KIF18A: variants seen among roughly 807,000 people sequenced by gnomAD.
The protein encoded by KIF18A is kinesin-like protein KIF18A.
Under a neutral mutation model 103.3 loss-of-function variants are expected in KIF18A, and 67 were observed. The observed-to-expected ratio is 0.65, with a 90% CI of 0.53 to 0.79. KIF18A has a LOEUF of 0.79. Ranked by LOEUF, KIF18A falls within the 30% of genes least tolerant of loss-of-function variation. KIF18A has a pLI of 0.00. For synonymous variants in KIF18A, 367 were observed against 355.5 expected, an observed-to-expected ratio of 1.03 and a Z score of -0.36; for missense variants, 1,032 against 1,062.5, an observed-to-expected ratio of 0.97 and a Z score of 0.40.
At chr11:28,037,650 A>T (rs1320112601) in intron 13 of KIF18A, among the ~76,000 whole-genome samples, 2 of 151,566 alleles carry the variant, frequency 1.3e-5, no homozygotes, top group African/African-American at 4.8e-5. Context: ...TGTATCATAC[A>T]TAACTCATAG....
chr11:28,031,530 G>A (rs1354092304), intron 15 of KIF18A, among the ~76,000 whole-genome samples: 2 of 152,102 alleles, frequency 1.3e-5, no homozygotes. Context: ...GGGGCCTGTT[G>A]TGGGGTAGGG....
intron 15 of KIF18A, 137 bp downstream of exon 15, chr11:28,035,250 T>G (rs1050152559): frequency 7.3e-6 from 3 of 410,788 alleles, no homozygotes; most frequent in Non-Finnish European, 1.3e-5. Flanking sequence ...CAGTACCCCA[T>G]TCAGAGAAAT....
chr11:28,048,563 A>T (rs867299967), intron 13 of KIF18A, among the ~76,000 whole-genome samples: 2 of 152,106 alleles, frequency 1.3e-5, no homozygotes, highest in Admixed American at 6.6e-5. Context: ...TTAGAAAAAA[A>T]GTTCAGTAGG....
chr11:28,107,944 C>T (rs1171774532), intron 1 of KIF18A, 120 bp downstream of exon 1: 2 of 152,304 alleles, frequency 1.3e-5, no homozygotes. Context: ...TGATCCCCCA[C>T]CCCTCAACGC....
At position 28,077,060 on chromosome 11, in the gene KIF18A, G is replaced by T; in HGVS notation, c.1372C>A (p.Gln458Lys). 1 of 1,574,714 alleles carries T rather than the reference G, an allele frequency of 6.4e-7. No homozygotes were observed. Among genetic ancestry groups the T allele is most frequent in the Non-Finnish European group, 8.6e-7 (1 of 1,162,136 alleles). Residue 458 changes from glutamine to lysine, a missense_variant, in exon 10 of 17, where the codon CAA becomes AAA. Physicochemically the swap from Gln to Lys is moderately conservative, Grantham distance 53. Coordinates refer to ENST00000263181, the MANE Select transcript of KIF18A (RefSeq NM_031217.4). ...ATTTCTATTTGTTTATGGCACTGTT[G>T]TTGGTAGAATGATTTAAGTTCATTT... ...KENELKSFYQ[Q>K]QCHKQIEMMC...
chr11:28,069,048 C>A (rs1398792657), intron 11 of KIF18A, among the ~76,000 whole-genome samples: 1 of 152,070 alleles, frequency 6.6e-6, no homozygotes. Flanking sequence ...TCCTCAAGTG[C>A]AGGTTGAAAT....
At chr11:28,046,725 T>C (rs1299634735) in intron 13 of KIF18A, among the ~76,000 whole-genome samples, 2 of 109,002 alleles carry the variant, frequency 1.8e-5, no homozygotes, top group African/African-American at 7.2e-5. Context: ...AGAAAAAAAA[T>C]ATTGAAATTA....
intron 1 of KIF18A, among the ~76,000 whole-genome samples, chr11:28,098,565 T>C (rs1426035597): frequency 1.3e-5 from 2 of 152,130 alleles, no homozygotes; most frequent in African/African-American, 4.8e-5. Flanking sequence ...TTAAAAATAG[T>C]TCCAAGGATG....
At chr11:28,085,755 T>G (rs1851219365) in intron 6 of KIF18A, among the ~76,000 whole-genome samples, 1 of 152,168 alleles carries the variant, frequency 6.6e-6, no homozygotes, top group African/African-American at 2.4e-5. Flanking sequence ...CCAGCTGTTT[T>G]CTCTTTATCT....
At chr11:28,083,383 T>C (rs1851189653) in intron 7 of KIF18A, 140 bp from the exon 8 acceptor site, 2 of 912,382 alleles carry the variant, frequency 2.2e-6, no homozygotes, top group Non-Finnish European at 3.0e-6. Flanking sequence ...TTAAAATCTA[T>C]GACAAGAGGA....
intron 12 of KIF18A, among the ~76,000 whole-genome samples, chr11:28,060,814 A>G (rs1180350480): frequency 6.6e-6 from 1 of 152,216 alleles, no homozygotes; most frequent in African/African-American, 2.4e-5. Flanking sequence ...GAAAGTGCCT[A>G]TGCAACCAGC....
chr11:28,094,568 A>ATTTTAT, intron 3 of KIF18A, 75 bp downstream of exon 3: 2 of 1,028,528 alleles, frequency 1.9e-6, no homozygotes, highest in Non-Finnish European at 2.9e-6. Flanking sequence ...GAAAACTCTT[A>ATTTTAT]TATAATAAAA....
At chr11:28,080,607 T>C (rs1851153734) in intron 9 of KIF18A, among the ~76,000 whole-genome samples, 1 of 152,124 alleles carries the variant, frequency 6.6e-6, no homozygotes, top group Admixed American at 6.6e-5. Context: ...GTGTTGTGTG[T>C]GCTCTGACGG....
intron 1 of KIF18A, among the ~76,000 whole-genome samples, chr11:28,100,566 G>GT (rs1284454729): frequency 6.6e-6 from 1 of 150,722 alleles, no homozygotes; most frequent in Non-Finnish European, 1.5e-5. Context: ...AGTGAAGGGG[G>GT]GGGGTGGTGT....
At chr11:28,070,706 C>CA (rs1156438088) in intron 10 of KIF18A, among the ~76,000 whole-genome samples, 1 of 152,082 alleles carries the variant, frequency 6.6e-6, no homozygotes, top group African/African-American at 2.4e-5. Flanking sequence ...AAATGTAACC[C>CA]ATCAAACTGA....
rs748524855 is a variant in KIF18A, at chr11:28,058,945, T to G, written c.1929A>C (p.Pro643=). 6.2e-7 allele frequency: 1 copy of G among 1,613,970 alleles called. No homozygotes were observed. Among genetic ancestry groups the G allele is most frequent in the Non-Finnish European group, 8.5e-7 (1 of 1,179,862 alleles). Residue 643 remains proline (P), a synonymous_variant, in exon 13 of 17, where the codon CCA becomes CCC. Coordinates refer to ENST00000263181, the MANE Select transcript of KIF18A (RefSeq NM_031217.4). The part of the protein sequence containing the change: ...SVLMTFPQLG[P]VQPIPCCSSS... ...ACTTACAACAAGGAATAGGCTGAAC[T>G]GGTCCAAGTTGTGGAAAGGTCATAA...
intron 1 of KIF18A, among the ~76,000 whole-genome samples, chr11:28,099,955 T>C (rs1851424975): frequency 1.3e-5 from 2 of 152,154 alleles, no homozygotes; most frequent in South Asian, 4.1e-4. Context: ...GACAACTCTG[T>C]CAGCTCAGAA....
chr11:28,087,266 T>C (rs565732862), intron 6 of KIF18A, among the ~76,000 whole-genome samples: 2 of 152,272 alleles, frequency 1.3e-5, no homozygotes, highest in East Asian at 3.9e-4. Context: ...TGGCGTGTAA[T>C]GTTCCCCTCC....
At chr11:28,043,745 G>C (rs1850594145) in intron 13 of KIF18A, among the ~76,000 whole-genome samples, 1 of 151,710 alleles carries the variant, frequency 6.6e-6, no homozygotes, top group Non-Finnish European at 1.5e-5. Context: ...AGCAAAAATG[G>C]GGGGAAAAGT....
Sources: allele counts gnomAD v4.1 joint callset (sites outside exome capture counted in the v4.1 genomes callset), GRCh38; gene constraint gnomAD v4.1.1; transcripts MANE v1.5; gene names NCBI Gene and HGNC (gene_info 2026-07-23, HGNC 2026-07-21).